DPP6: variants seen among roughly 807,000 people sequenced by gnomAD.
DPP6 encodes the protein A-type potassium channel modulatory protein DPP6.
In DPP6, 69 loss-of-function variants were observed where a neutral mutation model predicts 122.6. The observed-to-expected ratio is 0.56, with a 90% confidence interval of 0.46 to 0.69. DPP6 has a LOEUF of 0.69. Among genes scored for constraint, DPP6 ranks in the 30% least tolerant of loss-of-function variants. The pLI, the probability that DPP6 is intolerant of heterozygous loss-of-function variation, is 0.00. For missense variants in DPP6, 928 were observed against 1,116.9 expected, an observed-to-expected ratio of 0.83 and a Z score of 2.41; for synonymous variants, 418 against 433.1, an observed-to-expected ratio of 0.97 and a Z score of 0.43.
At position 154,004,826 on chromosome 7, in the gene DPP6, A is replaced by G. The variant is rs1368224599; in HGVS notation, c.51+117092A>G. Among the ~76,000 whole-genome samples, 10 of 152,272 alleles carry G rather than the reference A, an allele frequency of 6.6e-5. No individual in the cohort carries two copies. In the East Asian group the frequency reaches 1.7e-3, roughly 26 times the overall value. ...TTGTTTAACTTTTCATTTGTTCCCA[A>G]TGTTACAATTTTGCTTTCTCATAGA... On this transcript the variant is annotated intron_variant, in intron 1 of 25. Coordinates refer to the DPP6 transcript ENST00000404039.
At chr7:154,859,654 G>GAATT (rs3837064) in intron 17 of DPP6, among the ~76,000 whole-genome samples, 1 of 152,316 alleles carries the variant, frequency 6.6e-6, no homozygotes, top group East Asian at 1.9e-4. Context: ...ATGTGACTCT[G>GAATT]AATTATTTAA....
At chr7:153,963,749 G>C (rs1183286413) in intron 1 of DPP6, among the ~76,000 whole-genome samples, 1 of 152,180 alleles carries the variant, frequency 6.6e-6, no homozygotes, top group Non-Finnish European at 1.5e-5. Flanking sequence ...TAATATCTGA[G>C]GTGGAACAGT....
At chr7:154,305,603 C>CGTGCATAT in intron 1 of DPP6, 1 of 1,558,058 alleles carries the variant, frequency 6.4e-7, no homozygotes. Flanking sequence ...CGTGTGCATG[C>CGTGCATAT]GTGCATATGT....
chr7:154,173,848 G>A (rs1797661149), intron 1 of DPP6, among the ~76,000 whole-genome samples: 1 of 152,154 alleles, frequency 6.6e-6, no homozygotes, highest in Non-Finnish European at 1.5e-5. Flanking sequence ...GACATCCGGG[G>A]CCTTTGACTG....
chr7:154,546,076 A>G (rs1052354841), intron 4 of DPP6, among the ~76,000 whole-genome samples: 7 of 152,220 alleles, frequency 4.6e-5, no homozygotes, highest in African/African-American at 1.7e-4. Flanking sequence ...TACAATAGTG[A>G]AAATACTTGA....
intron 7 of DPP6, among the ~76,000 whole-genome samples, chr7:154,719,385 G>A (rs1185382746): frequency 6.6e-6 from 1 of 150,826 alleles, no homozygotes; most frequent in East Asian, 1.9e-4. Context: ...ATGTGGCCAC[G>A]GGGGTGGAAG....
intron 3 of DPP6, among the ~76,000 whole-genome samples, chr7:154,521,978 T>C (rs920805670): frequency 1.3e-5 from 2 of 152,046 alleles, no homozygotes; most frequent in South Asian, 4.1e-4. Flanking sequence ...CTTTTTTTTT[T>C]CTTTGAGACG....
rs138567588 is a variant in DPP6, at chr7:154,801,556, G to A, written c.1407+94G>A. The A allele has an allele frequency of 7.6e-3, 10,922 of 1,445,630 alleles. 57 individuals carry two copies. Among genetic ancestry groups the A allele is most frequent in the Non-Finnish European group, 9.1e-3 (9,990 of 1,096,346 alleles). The allele number at this position is 1,445,630 out of a possible 1,614,324, so 89.6% of individuals were successfully genotyped here. A position where few individuals can be genotyped will look rare whatever the true frequency, so the allele number is the denominator to read the frequency against. ...TAGGGCTGGGCACACTTGCGTTTTCGAGGACCCCAAGGAATCTGAAGGTGG... is the reference window on the plus strand; with the variant it reads ...TAGGGCTGGGCACACTTGCGTTTTCAAGGACCCCAAGGAATCTGAAGGTGG... On this transcript the variant is annotated intron_variant, in intron 13 of 25. Coordinates refer to ENST00000377770, the MANE Select transcript of DPP6 (RefSeq NM_130797.4).
intron 1 of DPP6, among the ~76,000 whole-genome samples, chr7:154,343,827 C>CGGGA (rs1193644258): frequency 6.7e-5 from 10 of 150,100 alleles, no homozygotes; most frequent in Admixed American, 3.3e-4. Context: ...GTGATCCTCC[C>CGGGA]GCCTTGGCCT....
At chr7:154,493,136 G>A (rs1257474557) in intron 3 of DPP6, among the ~76,000 whole-genome samples, 1 of 152,162 alleles carries the variant, frequency 6.6e-6, no homozygotes, top group Non-Finnish European at 1.5e-5. Context: ...TCAGCCTGAG[G>A]ATAATGACCC....
chr7:153,999,900 C>T (rs1797608278), intron 1 of DPP6, among the ~76,000 whole-genome samples: 1 of 151,646 alleles, frequency 6.6e-6, no homozygotes, highest in Non-Finnish European at 1.5e-5. Context: ...GGGGAGGTTA[C>T]AGTGAGCCAA....
At chr7:154,710,490 T>C (rs959373223) in intron 7 of DPP6, among the ~76,000 whole-genome samples, 1 of 152,156 alleles carries the variant, frequency 6.6e-6, no homozygotes, top group African/African-American at 2.4e-5. Flanking sequence ...AATCCTAACT[T>C]GCTGTTATAT....
At chr7:154,278,464 T>C (rs1304495811) in intron 1 of DPP6, among the ~76,000 whole-genome samples, 4 of 152,238 alleles carry the variant, frequency 2.6e-5, no homozygotes, top group Non-Finnish European at 5.9e-5. Flanking sequence ...ATCTTGACGA[T>C]GCAAAATGAC....
chr7:153,785,836 G>C, the DPP6 span, among the ~76,000 whole-genome samples: 2 of 149,004 alleles, frequency 1.3e-5, no homozygotes, highest in Admixed American at 6.7e-5. Context: ...TCCTTTTTTC[G>C]TTTTTAGAGA....
intron 5 of DPP6, among the ~76,000 whole-genome samples, chr7:154,585,173 T>C (rs1451647342): frequency 6.6e-6 from 1 of 152,208 alleles, no homozygotes; most frequent in Non-Finnish European, 1.5e-5. Context: ...TCAAGCAGTA[T>C]ATAAAGACTA....
chr7:154,255,903 T>G (rs1441008298), intron 1 of DPP6, among the ~76,000 whole-genome samples: 1 of 152,204 alleles, frequency 6.6e-6, no homozygotes, highest in East Asian at 1.9e-4. Context: ...TCACCCCTCT[T>G]AACTTCTCCT....
intron 16 of DPP6, among the ~76,000 whole-genome samples, chr7:154,847,463 T>G (rs940385370): frequency 3.3e-5 from 5 of 152,170 alleles, no homozygotes; most frequent in Non-Finnish European, 5.9e-5. Flanking sequence ...TTTTTTTTTG[T>G]ACTCAACACT....
intron 8 of DPP6, among the ~76,000 whole-genome samples, chr7:154,729,769 G>A (rs551532729): frequency 2.2e-4 from 33 of 152,248 alleles, no homozygotes; most frequent in Admixed American, 5.2e-4. Context: ...TGTGGCTGCC[G>A]GTGCTCAGAG....
In DPP6 at chr7:154,201,581, G is replaced by A. The variant is rs146537156; in HGVS notation, c.243+148518G>A. Among the ~76,000 whole-genome samples the A allele has an allele frequency of 4.9e-3, 747 of 152,298 alleles. 9 individuals are homozygous for A. Among genetic ancestry groups the A allele is most frequent in the African/African-American group, 0.017 (714 of 41,558 alleles). On this transcript the variant is annotated intron_variant, in intron 1 of 25. Transcript: ENST00000377770. Reference sequence around the variant, plus strand: ...AAACCCTTCACTCCTAAATAAGAAAGTATTGGGGCAGCAGGTCCCACGCCG... The same window carrying A: ...AAACCCTTCACTCCTAAATAAGAAAATATTGGGGCAGCAGGTCCCACGCCG...
Sources: allele counts gnomAD v4.1 joint callset (sites outside exome capture counted in the v4.1 genomes callset), GRCh38; gene constraint gnomAD v4.1.1; transcripts MANE v1.5; gene names NCBI Gene and HGNC (gene_info 2026-07-23, HGNC 2026-07-21).